The following DMXL2 variants were observed in gnomAD, a reference collection of about 807,000 sequenced individuals.
DMXL2 encodes the protein dmX-like protein 2.
DMXL2 carries 103 observed loss-of-function variants against 331.1 expected under a neutral mutation model. That is an observed-to-expected ratio of 0.31 (90% confidence interval 0.27 to 0.37). The LOEUF (loss-of-function observed/expected upper bound fraction) is 0.37. Ranked by LOEUF, DMXL2 falls within the 10% of genes least tolerant of loss-of-function variation. DMXL2 has a pLI of 1.00. For missense variants in DMXL2, 3,171 were observed against 3,642.9 expected, an observed-to-expected ratio of 0.87 and a Z score of 3.33; for synonymous variants, 1,281 against 1,252.1, an observed-to-expected ratio of 1.02 and a Z score of -0.49.
intron 3 of DMXL2, among the ~76,000 whole-genome samples, chr15:51,566,868 A>C (rs2050321476): frequency 6.6e-6 from 1 of 152,154 alleles, no homozygotes; most frequent in Admixed American, 6.5e-5. Flanking sequence ...AATTCTAACC[A>C]CATTAGATGT....
intron 22 of DMXL2, 148 bp downstream of exon 22, chr15:51,487,806 A>C: frequency 1.7e-6 from 1 of 605,330 alleles, no homozygotes. Context: ...ATTTTCCTTT[A>C]CCACAGTGCC....
intron 37 of DMXL2, among the ~76,000 whole-genome samples, chr15:51,457,055 C>T (rs1161600270): frequency 1.3e-5 from 2 of 152,090 alleles, no homozygotes; most frequent in Non-Finnish European, 2.9e-5. Flanking sequence ...ACCTGTAGTC[C>T]CAGCTACTTG....
At chr15:51,496,829 A>G (rs1018825340) in intron 18 of DMXL2, among the ~76,000 whole-genome samples, 4 of 152,202 alleles carry the variant, frequency 2.6e-5, no homozygotes, top group Non-Finnish European at 5.9e-5. Flanking sequence ...ACCTGAACAA[A>G]TGGAAGAACT....
intron 13 of DMXL2, among the ~76,000 whole-genome samples, chr15:51,518,681 C>T (rs2047173767): frequency 6.6e-6 from 1 of 152,148 alleles, no homozygotes. Flanking sequence ...AGGTCCCACC[C>T]ACAGAGATTG....
chr15:51,597,524 T>C (rs1350472514), intron 1 of DMXL2, among the ~76,000 whole-genome samples: 1 of 152,170 alleles, frequency 6.6e-6, no homozygotes, highest in East Asian at 1.9e-4. Flanking sequence ...CTTATTAATA[T>C]TCCCTGGTAT....
At chr15:51,453,512 G>A (rs757951844) in intron 41 of DMXL2, 38 bp downstream of exon 41, 20 of 1,489,452 alleles carry the variant, frequency 1.3e-5, no homozygotes, top group South Asian at 2.5e-5. Flanking sequence ...GATTTCTAAC[G>A]TTTTTATATT....
At chr15:51,523,919 A>G (rs934426233) in intron 13 of DMXL2, among the ~76,000 whole-genome samples, 18 of 152,254 alleles carry the variant, frequency 1.2e-4, no homozygotes, top group African/African-American at 4.1e-4. Context: ...ACTTGATAGA[A>G]TGATTAGGGA....
In DMXL2 at chr15:51,456,050, G is replaced by T; in HGVS notation, c.8526+16C>A. ...CTATTTTCAGATGAATTCAGCAGTA[G>T]CCCCCAGAAACTAACCTTGTTGCCT... On this transcript the variant is annotated intron_variant, in intron 39 of 43. Coordinates refer to ENST00000560891, the MANE Select transcript of DMXL2 (RefSeq NM_001378457.1). The T allele has an allele frequency of 1.2e-6, 2 of 1,612,892 alleles. No homozygotes were observed. The highest frequency in any genetic ancestry group is 1.7e-6 in the Non-Finnish European group (2 of 1,179,294).
chr15:51,616,055 T>G (rs1392556520), intron 1 of DMXL2, among the ~76,000 whole-genome samples: 1 of 152,170 alleles, frequency 6.6e-6, no homozygotes, highest in Non-Finnish European at 1.5e-5. Context: ...TTATTTAGTA[T>G]GAATTAAATT....
intron 1 of DMXL2, among the ~76,000 whole-genome samples, chr15:51,621,347 T>G (rs1206500917): frequency 6.6e-6 from 1 of 152,262 alleles, no homozygotes; most frequent in East Asian, 1.9e-4. Context: ...GCTGAAGCTT[T>G]ATTTTCCGCA....
At chr15:51,468,529 T>G (rs929679750) in intron 29 of DMXL2, among the ~76,000 whole-genome samples, 2 of 152,168 alleles carry the variant, frequency 1.3e-5, no homozygotes, top group Non-Finnish European at 2.9e-5. Flanking sequence ...GAAGGATGCT[T>G]GGGAACCAAC....
At chr15:51,573,380 T>A (rs2050798710) in intron 2 of DMXL2, among the ~76,000 whole-genome samples, 1 of 152,166 alleles carries the variant, frequency 6.6e-6, no homozygotes, top group South Asian at 2.1e-4. Context: ...CATTCTACTT[T>A]AAAGACACAT....
rs1466468972 is a variant in DMXL2, at chr15:51,605,186, G to A, written c.87+17273C>T. ...AAACTCGACAAAAACAGTACAACGG[G>A]GGAAAAAAACATATAAATATATGTA... On this transcript the variant is annotated intron_variant, in intron 1 of 43. Coordinates refer to ENST00000560891, the MANE Select transcript of DMXL2 (RefSeq NM_001378457.1). Among the ~76,000 whole-genome samples the A allele has an allele frequency of 2.0e-5, 3 of 151,898 alleles. No homozygotes were observed. In the South Asian group the frequency reaches 6.2e-4, roughly 32 times the overall value.
chr15:51,521,469 T>TA (rs1217956402), intron 13 of DMXL2, among the ~76,000 whole-genome samples: 1,804 of 148,604 alleles, frequency 0.012, 41 homozygotes, highest in African/African-American at 0.043. Context: ...GTAGTGGTAG[T>TA]GGTAGTAGTA....
chr15:51,566,769 T>C (rs1364693026), intron 3 of DMXL2, among the ~76,000 whole-genome samples: 2 of 152,242 alleles, frequency 1.3e-5, no homozygotes, highest in African/African-American at 4.8e-5. Context: ...TGTAAATATA[T>C]ACTCAGCATT....
intron 2 of DMXL2, among the ~76,000 whole-genome samples, chr15:51,573,687 T>A (rs1595575381): frequency 6.6e-6 from 1 of 151,156 alleles, no homozygotes; most frequent in African/African-American, 2.4e-5. Context: ...CACTGAGGCC[T>A]GTCAGGGGGT....
rs775519138 is a variant in DMXL2, at chr15:51,547,212, A to G, written c.746+18T>C. 1.9e-6 allele frequency: 3 copies of G among 1,569,902 alleles called. No individual in the cohort carries two copies. In the Admixed American group the frequency reaches 6.1e-5, roughly 32 times the overall value. On this transcript the variant is annotated intron_variant, in intron 7 of 43. Coordinates refer to ENST00000560891, the MANE Select transcript of DMXL2 (RefSeq NM_001378457.1). ...ATTTAAGGATGCAAACTAAAGCTAC[A>G]TGATTCATTCATCTAACCTGGGCAT...
chr15:51,475,404 G>T (rs2041489229), intron 27 of DMXL2, among the ~76,000 whole-genome samples: 1 of 152,138 alleles, frequency 6.6e-6, no homozygotes, highest in African/African-American at 2.4e-5. Context: ...TGAGACAGGA[G>T]AATTGCTTGA....
chr15:51,471,290 T>G lies in DMXL2; in HGVS notation c.7325A>C (p.Glu2442Ala). ...AAATTTTTCTTTGTAAGATGGTCTT[T>G]CTGCAGGCACCGGTGGTGGGGTAGC... is the stretch of plus-strand genomic sequence containing the variant. ...KDATPPPVPA[E>A]RPSYKEKFIP... Residue 2442 changes from glutamate to alanine, a missense_variant, in exon 29 of 44, where the codon GAA becomes GCA. Glu to Ala is a moderately radical substitution (Grantham distance 107). Transcript: ENST00000560891. 1 of 1,614,138 alleles carries G rather than the reference T, an allele frequency of 6.2e-7. No homozygotes were observed. The highest frequency in any genetic ancestry group is 8.5e-7 in the Non-Finnish European group (1 of 1,179,980).
Sources: gnomAD v4.1 joint callset for allele counts (sites outside exome capture counted in the v4.1 genomes callset) on GRCh38, gnomAD v4.1.1 for gene constraint, MANE v1.5 for transcripts, NCBI Gene and HGNC (gene_info 2026-07-23, HGNC 2026-07-21) for gene names.